CPNE4: variants seen among roughly 807,000 people sequenced by gnomAD.
CPNE4 encodes the protein copine-4.
A neutral mutation model predicts 67.9 loss-of-function variants in CPNE4; 25 were observed. That is an observed-to-expected ratio of 0.37 (90% CI 0.27 to 0.51). The LOEUF is 0.51. Among genes scored for constraint, CPNE4 ranks in the 20% least tolerant of loss-of-function variants. CPNE4 has a pLI of 0.93. For missense variants in CPNE4, 464 were observed against 690.8 expected, an observed-to-expected ratio of 0.67 and a Z score of 3.68; for synonymous variants, 242 against 244.9, an observed-to-expected ratio of 0.99 and a Z score of 0.11.
chr3:131,877,850 G>GGACACC (rs1413161910), intron 2 of CPNE4, among the ~76,000 whole-genome samples: 1 of 152,096 alleles, frequency 6.6e-6, no homozygotes, highest in Admixed American at 6.5e-5. Flanking sequence ...TCACAAAATA[G>GGACACC]GACACCCATA....
intron 3 of CPNE4, among the ~76,000 whole-genome samples, chr3:131,722,450 C>A (rs66624956): frequency 6.9e-4 from 105 of 151,726 alleles, no homozygotes; most frequent in African/African-American, 2.5e-3. Context: ...CATACCCCCC[C>A]ACGTTTGTTC....
At chr3:131,583,144 T>G (rs1282081839) in intron 8 of CPNE4, among the ~76,000 whole-genome samples, 1 of 152,182 alleles carries the variant, frequency 6.6e-6, no homozygotes, top group African/African-American at 2.4e-5. Context: ...GAAGAAAACA[T>G]TCAAAGCAGA....
At chr3:131,747,570 C>T (rs931309886) in intron 2 of CPNE4, among the ~76,000 whole-genome samples, 1 of 152,016 alleles carries the variant, frequency 6.6e-6, no homozygotes, top group African/African-American at 2.4e-5. Flanking sequence ...CAGGGTCTCA[C>T]TACGTTTCCC....
intron 10 of CPNE4, among the ~76,000 whole-genome samples, chr3:131,569,059 T>C (rs1198608127): frequency 6.6e-6 from 1 of 152,050 alleles, no homozygotes; most frequent in African/African-American, 2.4e-5. Flanking sequence ...TTTTCTATTT[T>C]CAGAAAACTT....
chr3:131,810,184 A>G lies in CPNE4; in HGVS notation c.181-86559T>C, dbSNP rs1373465683. ...AGATATGACACTAAAAGCACAGGCA[A>G]TAAAAGTAATAAACAAGTTTATGCC... is the stretch of plus-strand genomic sequence containing the variant. On this transcript the variant is annotated intron_variant, in intron 2 of 15. Transcript: ENST00000429747. Among the ~76,000 whole-genome samples, 7 of 152,210 alleles carry G rather than the reference A, an allele frequency of 4.6e-5. No individual in the cohort carries two copies. The South Asian group carries it at 1.4e-3, about 32-fold the overall frequency.
intron 2 of CPNE4, among the ~76,000 whole-genome samples, chr3:131,868,335 A>C (rs1198159836): frequency 6.6e-6 from 1 of 152,198 alleles, no homozygotes; most frequent in African/African-American, 2.4e-5. Flanking sequence ...AGAGGCAGGC[A>C]TGCATATCTT....
At chr3:131,750,519 T>A (rs1250143720) in intron 2 of CPNE4, among the ~76,000 whole-genome samples, 1 of 152,196 alleles carries the variant, frequency 6.6e-6, no homozygotes, top group African/African-American at 2.4e-5. Flanking sequence ...ACCTAACTTA[T>A]GAGTAGCATC....
intron 2 of CPNE4, among the ~76,000 whole-genome samples, chr3:131,903,573 A>T (rs1467900347): frequency 1.3e-5 from 2 of 152,038 alleles, no homozygotes; most frequent in African/African-American, 4.8e-5. Flanking sequence ...AGCAATAAAG[A>T]TCTCAGTTTC....
At chr3:131,988,655 A>G (rs996753204) in intron 1 of CPNE4, among the ~76,000 whole-genome samples, 1 of 152,222 alleles carries the variant, frequency 6.6e-6, no homozygotes, top group African/African-American at 2.4e-5. Context: ...GGTGTCATGC[A>G]CAAAAATGGG....
chr3:131,815,062 C>T (rs530467882), intron 2 of CPNE4, among the ~76,000 whole-genome samples: 5 of 152,142 alleles, frequency 3.3e-5, no homozygotes, highest in South Asian at 4.2e-4. Flanking sequence ...GAGTTAAATA[C>T]GTATAGTTTA....
chr3:131,945,256 G>C (rs2071518057), intron 1 of CPNE4, among the ~76,000 whole-genome samples: 1 of 152,100 alleles, frequency 6.6e-6, no homozygotes, highest in Admixed American at 6.6e-5. Flanking sequence ...ACTCCATTTT[G>C]CAAATGCAGT....
chr3:131,721,800 C>A (rs2081895373), intron 3 of CPNE4, among the ~76,000 whole-genome samples: 1 of 152,070 alleles, frequency 6.6e-6, no homozygotes, highest in African/African-American at 2.4e-5. Flanking sequence ...ATAAAAGATG[C>A]CATTTTAATC....
chr3:131,906,202 G>GTT (rs3041554), intron 1 of CPNE4, among the ~76,000 whole-genome samples: 42 of 143,464 alleles, frequency 2.9e-4, no homozygotes, highest in East Asian at 2.6e-3. Context: ...TTTATTTTTT[G>GTT]TTTTTTTTTG....
At chr3:131,644,785 C>A (rs2079622299) in intron 7 of CPNE4, among the ~76,000 whole-genome samples, 1 of 152,132 alleles carries the variant, frequency 6.6e-6, no homozygotes, top group South Asian at 2.1e-4. Context: ...ATAAAATTAG[C>A]AGGTACATAA....
chr3:131,680,722 A>G (rs1323438997), intron 6 of CPNE4, among the ~76,000 whole-genome samples: 1 of 151,956 alleles, frequency 6.6e-6, no homozygotes, highest in Non-Finnish European at 1.5e-5. Context: ...ATTTGGTTAC[A>G]TGAGTAAGTT....
At chr3:131,749,139 A>G (rs892568578) in intron 2 of CPNE4, among the ~76,000 whole-genome samples, 4 of 151,900 alleles carry the variant, frequency 2.6e-5, no homozygotes, top group African/African-American at 9.7e-5. Context: ...TTGTATTTTC[A>G]TTTTCATTCA....
In CPNE4 at chr3:131,550,642, G is replaced by A. The variant is rs1262942514; in HGVS notation, c.1169-562C>T. ...CTCCAGATGTTATACTCTGCGGGCAGGAATCATGACTTACTTATTTTTTGT... is the reference window on the plus strand; with the variant it reads ...CTCCAGATGTTATACTCTGCGGGCAAGAATCATGACTTACTTATTTTTTGT... On this transcript the variant is annotated intron_variant, in intron 13 of 15. Coordinates refer to ENST00000429747, the MANE Select transcript of CPNE4 (RefSeq NM_130808.3). Among the ~76,000 whole-genome samples, 3 of 152,098 alleles carry A rather than the reference G, an allele frequency of 2.0e-5. No individual in the cohort carries two copies. In the East Asian group the frequency reaches 5.8e-4, roughly 29 times the overall value.
intron 1 of CPNE4, among the ~76,000 whole-genome samples, chr3:131,986,555 G>A (rs1191677424): frequency 6.6e-6 from 1 of 152,096 alleles, no homozygotes; most frequent in African/African-American, 2.4e-5. Flanking sequence ...GAGAGGTAAC[G>A]ACTGTTCTCT....
chr3:132,016,050 A>G (rs2073883153), intron 1 of CPNE4, among the ~76,000 whole-genome samples: 1 of 152,266 alleles, frequency 6.6e-6, no homozygotes, highest in Non-Finnish European at 1.5e-5. Context: ...GAGTAAGAAA[A>G]TTGGAGACTT....
Sources: allele counts gnomAD v4.1 joint callset (sites outside exome capture counted in the v4.1 genomes callset), GRCh38; gene constraint gnomAD v4.1.1; transcripts MANE v1.5; gene names NCBI Gene and HGNC (gene_info 2026-07-23, HGNC 2026-07-21).